TF: variants seen among roughly 807,000 people sequenced by gnomAD.
The protein encoded by TF is serotransferrin.
Under a neutral mutation model 82.4 loss-of-function variants are expected in TF, and 55 were observed. The observed-to-expected ratio is 0.67, with a 90% CI of 0.54 to 0.84. The LOEUF (loss-of-function observed/expected upper bound fraction) is 0.84. TF is among the 40% of genes least tolerant of loss of function. The probability of loss-of-function intolerance (pLI) is 0.00; values close to 1 mark genes in which losing one functional copy is unlikely to be tolerated. For missense variants in TF, 737 were observed against 868.4 expected (o/e 0.85, Z 1.90); for synonymous variants, 332 against 332.6 (o/e 1.00, Z 0.02).
the TF span, among the ~76,000 whole-genome samples, chr3:133,690,876 A>T: frequency 6.6e-6 from 1 of 152,200 alleles, no homozygotes; most frequent in Non-Finnish European, 1.5e-5. Flanking sequence ...TGGTGTTCAC[A>T]AGGCCCAGCG....
chr3:133,751,990 T>G (rs1182260533), intron 2 of TF, among the ~76,000 whole-genome samples: 2 of 152,206 alleles, frequency 1.3e-5, no homozygotes, highest in South Asian at 4.1e-4. Flanking sequence ...GCGAGACTGC[T>G]GATATAGTTT....
the TF span, among the ~76,000 whole-genome samples, chr3:133,697,801 A>G: frequency 6.6e-6 from 1 of 152,268 alleles, no homozygotes; most frequent in Non-Finnish European, 1.5e-5. Context: ...AGAAAATACT[A>G]AATTAAAATT....
the TF span, among the ~76,000 whole-genome samples, chr3:133,668,223 A>G: frequency 6.6e-6 from 1 of 152,372 alleles, no homozygotes; most frequent in Non-Finnish European, 1.5e-5. Flanking sequence ...AACCTGGAGT[A>G]TTCAGACTTT....
At chr3:133,738,013 AG>A in the TF span, among the ~76,000 whole-genome samples, 1 of 152,224 alleles carries the variant, frequency 6.6e-6, no homozygotes, top group African/African-American at 2.4e-5. Context: ...CAACAAAAAA[AG>A]AAAATTTCAG....
chr3:133,676,426 A>G, the TF span, among the ~76,000 whole-genome samples: 5 of 152,218 alleles, frequency 3.3e-5, no homozygotes, highest in African/African-American at 1.2e-4. Context: ...GATTTGAGGA[A>G]GGGAGTGATG....
chr3:133,681,047 C>T, the TF span, among the ~76,000 whole-genome samples: 29 of 152,316 alleles, frequency 1.9e-4, no homozygotes, highest in Admixed American at 5.9e-4. Flanking sequence ...ATTTAAATAA[C>T]GTTTTGCCTA....
rs1327820675 is a variant in TF at position 133,783,287 on chromosome 3, C to T, written c.*4667C>T. 3 of 151,926 alleles carry T rather than the reference C, an allele frequency of 2.0e-5. No homozygotes were observed. The South Asian group carries it at 6.2e-4, about 32-fold the overall frequency. The allele number at this position is 151,926 out of a possible 1,614,324, so 9.4% of individuals were successfully genotyped here. On this transcript the variant is annotated 3_prime_UTR_variant, in exon 17 of 17. Coordinates refer to ENST00000402696, the MANE Select transcript of TF (RefSeq NM_001063.4). ...AAATAATGAAGCAGAATAAAAGTTC[C>T]AGATATTAAATGCAAATGAGAATTT... is the stretch of plus-strand genomic sequence containing the variant.
chr3:133,772,188 C>G (rs536760120), intron 14 of TF, among the ~76,000 whole-genome samples: 1 of 152,354 alleles, frequency 6.6e-6, no homozygotes, highest in Non-Finnish European at 1.5e-5. Flanking sequence ...ACATAGTACA[C>G]AGCAGTTGCT....
At chr3:133,675,497 T>C in the TF span, among the ~76,000 whole-genome samples, 1 of 152,230 alleles carries the variant, frequency 6.6e-6, no homozygotes, top group Non-Finnish European at 1.5e-5. Context: ...TGGGTGGTCT[T>C]CTATATGTCC....
At chr3:133,706,054 T>TACTCA in the TF span, among the ~76,000 whole-genome samples, 1 of 152,214 alleles carries the variant, frequency 6.6e-6, no homozygotes. Flanking sequence ...ACTCAGGGAC[T>TACTCA]GAGTGACTTG....
In TF at chr3:133,770,625, T is replaced by C. The variant is rs535637378; in HGVS notation, c.1687+53T>C. 9.6e-6 allele frequency: 15 copies of C among 1,554,892 alleles called. No individual in the cohort carries two copies. In the East Asian group the frequency reaches 2.9e-4, roughly 30 times the overall value. On this transcript the variant is annotated intron_variant, in intron 14 of 16. Transcript: ENST00000402696. ...TAGATCACTAGATCCTGGTCACTGGTATTCACTTGTATTCAGGGATGCCTT... is the reference window on the plus strand; with the variant it reads ...TAGATCACTAGATCCTGGTCACTGGCATTCACTTGTATTCAGGGATGCCTT...
chr3:133,752,851 A>G lies in TF; in HGVS notation c.217-744A>G, dbSNP rs1933713938. Among the ~76,000 whole-genome samples the G allele has an allele frequency of 2.6e-5, 4 of 152,208 alleles. No homozygotes were observed. The South Asian group carries it at 6.2e-4, about 24-fold the overall frequency. On this transcript the variant is annotated intron_variant, in intron 2 of 16. Transcript: ENST00000402696. Reference sequence around the variant, plus strand: ...AGCTGCCCATGTGTTGGAGTAGACAATTATACCAGAGATGAGCAAAAATGG... The same window carrying G: ...AGCTGCCCATGTGTTGGAGTAGACAGTTATACCAGAGATGAGCAAAAATGG...
chr3:133,777,426 G>C (rs1466093687), intron 16 of TF, 188 bp downstream of exon 16: 2 of 607,616 alleles, frequency 3.3e-6, no homozygotes, highest in African/African-American at 3.7e-5. Flanking sequence ...GATAGTAAGG[G>C]GATACAGGCT....
chr3:133,703,170 C>T, the TF span, among the ~76,000 whole-genome samples: 19 of 152,132 alleles, frequency 1.2e-4, no homozygotes, highest in Non-Finnish European at 2.8e-4. Context: ...CTATAAATGC[C>T]TATATTTCTG....
At chr3:133,762,401 G>A (rs1462324452) in intron 9 of TF, 2 of 152,630 alleles carry the variant, frequency 1.3e-5, no homozygotes, top group African/African-American at 4.8e-5. Context: ...GCTTTCTTGG[G>A]TTATACCTAC....
chr3:133,746,394 C>A lies in TF; in HGVS notation c.-47C>A. On this transcript the variant is annotated 5_prime_UTR_variant, in exon 1 of 17. Transcript: ENST00000402696. ...GGGACGCGGGGCGCCGGAGGCTGCA[C>A]AGAAGCGAGTCCGACTGTGCTCGCT... 6.4e-7 allele frequency: 1 copy of A among 1,574,340 alleles called. No homozygotes were observed. Among genetic ancestry groups the A allele is most frequent in the Non-Finnish European group, 8.6e-7 (1 of 1,163,462 alleles).
chr3:133,745,326 G>A (rs1235095223), upstream of TF, among the ~76,000 whole-genome samples: 4 of 152,206 alleles, frequency 2.6e-5, no homozygotes, highest in Admixed American at 6.5e-5. Context: ...TTTACACTTC[G>A]TGGAAGGAAT....
the TF span, among the ~76,000 whole-genome samples, chr3:133,693,205 C>T: frequency 1.3e-5 from 2 of 152,172 alleles, no homozygotes; most frequent in Admixed American, 1.3e-4. Flanking sequence ...TCACTGAGGC[C>T]CTCTAAGAAA....
At chr3:133,741,880 T>C (rs1432621623), upstream of TF, among the ~76,000 whole-genome samples, 3 of 152,260 alleles carry the variant, frequency 2.0e-5, no homozygotes, top group Non-Finnish European at 2.9e-5. Flanking sequence ...ATCTTTGTCA[T>C]GATGTCTTTG....
Sources: allele counts gnomAD v4.1 joint callset (sites outside exome capture counted in the v4.1 genomes callset), GRCh38; gene constraint gnomAD v4.1.1; transcripts MANE v1.5; gene names NCBI Gene and HGNC (gene_info 2026-07-23, HGNC 2026-07-21).